Variants in EDEM2 observed in about 807,000 individuals in gnomAD.
The protein encoded by EDEM2 is ER degradation-enhancing alpha-mannosidase-like protein 2.
In EDEM2, 39 loss-of-function variants were observed where a neutral mutation model predicts 64.8. The observed-to-expected ratio is 0.60, with a 90% CI of 0.47 to 0.79. The LOEUF (loss-of-function observed/expected upper bound fraction) is 0.79. EDEM2 is among the 30% of genes least tolerant of loss of function. The probability of loss-of-function intolerance (pLI) is 0.00; values close to 1 mark genes in which losing one functional copy is unlikely to be tolerated. For missense variants in EDEM2, 609 were observed against 731.3 expected, an observed-to-expected ratio of 0.83 and a Z score of 1.93; for synonymous variants, 296 against 291.5, an observed-to-expected ratio of 1.02 and a Z score of -0.16.
intron 9 of EDEM2, among the ~76,000 whole-genome samples, chr20:35,118,985 G>A (rs564087672): frequency 7.9e-5 from 12 of 152,294 alleles, no homozygotes; most frequent in Middle Eastern, 3.4e-3. Flanking sequence ...AGAAGGTGGC[G>A]GAGGTTGTTG....
intron 9 of EDEM2, 78 bp from the exon 10 acceptor site, chr20:35,118,797 C>T: frequency 6.3e-7 from 1 of 1,575,654 alleles, no homozygotes; most frequent in Non-Finnish European, 8.6e-7. Flanking sequence ...CCGTGAGGGA[C>T]TACTCCCCTC....
chr20:35,129,448 G>A (rs1272902951), intron 7 of EDEM2, among the ~76,000 whole-genome samples: 5 of 151,510 alleles, frequency 3.3e-5, no homozygotes, highest in African/African-American at 7.3e-5. Flanking sequence ...GTGGGCGCCT[G>A]TAATCCCAGC....
chr20:35,124,454 G>A (rs2085406342), intron 8 of EDEM2, among the ~76,000 whole-genome samples: 1 of 152,304 alleles, frequency 6.6e-6, no homozygotes, highest in South Asian at 2.1e-4. Flanking sequence ...AGGCTGGAGT[G>A]CAGTGGCACA....
chr20:35,146,728 G>C, intron 2 of EDEM2, 97 bp downstream of exon 2: 2 of 1,327,364 alleles, frequency 1.5e-6, no homozygotes, highest in South Asian at 2.6e-5. Context: ...TTCTGGTGCC[G>C]GTGAGGAGAC....
intron 5 of EDEM2, among the ~76,000 whole-genome samples, chr20:35,135,712 A>C (rs2085567087): frequency 1.3e-5 from 2 of 152,214 alleles, no homozygotes. Flanking sequence ...TCTGCTTTAA[A>C]TAAAGAGTAT....
At chr20:35,138,580 CTTTT>C (rs1199947248) in intron 4 of EDEM2, among the ~76,000 whole-genome samples, 2 of 140,772 alleles carry the variant, frequency 1.4e-5, no homozygotes, top group Non-Finnish European at 1.6e-5. Flanking sequence ...ATATGTAGAA[CTTTT>C]TTTTTTTTTT....
At chr20:35,117,429 C>A (rs919248685) in intron 10 of EDEM2, among the ~76,000 whole-genome samples, 1 of 152,146 alleles carries the variant, frequency 6.6e-6, no homozygotes, top group Non-Finnish European at 1.5e-5. Context: ...GACCCCTGTT[C>A]CCATCATTCA....
At chr20:35,144,260 G>C (rs970407011) in intron 3 of EDEM2, among the ~76,000 whole-genome samples, 4 of 152,104 alleles carry the variant, frequency 2.6e-5, no homozygotes, top group African/African-American at 9.7e-5. Context: ...CTAACCTCAA[G>C]AAGTTGTTAG....
intron 8 of EDEM2, 101 bp from the exon 9 acceptor site, chr20:35,124,135 CTTG>C (rs2085402589): frequency 7.0e-7 from 1 of 1,436,938 alleles, no homozygotes. Flanking sequence ...CCAAAAAGGC[CTTG>C]AATCAATCCC....
chr20:35,142,852 G>A (rs1391976607), intron 3 of EDEM2, among the ~76,000 whole-genome samples: 2 of 151,862 alleles, frequency 1.3e-5, no homozygotes, highest in Admixed American at 6.6e-5. Context: ...TTCAAACTCC[G>A]CCTCCTGGGT....
At chr20:35,125,447 C>G (rs929452629) in intron 8 of EDEM2, among the ~76,000 whole-genome samples, 11 of 151,896 alleles carry the variant, frequency 7.2e-5, no homozygotes, top group Non-Finnish European at 1.5e-4. Context: ...TGCAGTGGCG[C>G]AATCTCAGCT....
At position 35,126,415 on chromosome 20, in the gene EDEM2, T is replaced by C. The variant is rs775485406; in HGVS notation, c.845-40A>G. On this transcript the variant is annotated intron_variant, in intron 7 of 10. Transcript: ENST00000374492. ...ATGGGATAATGGACATATGAGTGAT[T>C]AGGGAGAAAAAAGGCAGGCCTGGAC... 1.9e-5 allele frequency: 31 copies of C among 1,608,600 alleles called. No homozygotes were observed. Among genetic ancestry groups the C allele is most frequent in the Non-Finnish European group, 2.6e-5 (31 of 1,177,892 alleles).
At chr20:35,128,314 T>C (rs1437259130) in intron 7 of EDEM2, among the ~76,000 whole-genome samples, 1 of 140,798 alleles carries the variant, frequency 7.1e-6, no homozygotes, top group Admixed American at 7.0e-5. Flanking sequence ...ATCCGGGAGG[T>C]GGAGTTTGTA....
chr20:35,119,007 A>G (rs1018034138), intron 9 of EDEM2, among the ~76,000 whole-genome samples: 1 of 152,148 alleles, frequency 6.6e-6, no homozygotes, highest in South Asian at 2.1e-4. Flanking sequence ...CTAATTCCCA[A>G]TATCTGTTCC....
Position 35,147,226 on chromosome 20 carries a change from G to C in EDEM2, c.33C>G (p.Leu11=). Residue 11 remains leucine (L), a synonymous_variant, in exon 1 of 11, where the codon CTC becomes CTG. Coordinates refer to ENST00000374492, the MANE Select transcript of EDEM2 (RefSeq NM_018217.3). MPFRLLIPLG[L]LCALLPQHHG... ...GGTGCTGAGGCAGCAGCGCGCACAG[G>C]AGGCCGAGCGGGATGAGCAGCCGGA... 1 of 1,598,446 alleles carries C rather than the reference G, an allele frequency of 6.3e-7. No individual in the cohort carries two copies. The highest frequency in any genetic ancestry group is 8.5e-7 in the Non-Finnish European group (1 of 1,170,958).
chr20:35,132,315 C>CT (rs111961414), intron 6 of EDEM2, among the ~76,000 whole-genome samples: 47 of 145,622 alleles, frequency 3.2e-4, no homozygotes, highest in South Asian at 6.5e-4. Flanking sequence ...TATCCTTTGA[C>CT]TTTTTTTTTT....
chr20:35,136,557 G>T (rs536477478), intron 5 of EDEM2, among the ~76,000 whole-genome samples: 51 of 152,158 alleles, frequency 3.4e-4, no homozygotes, highest in Non-Finnish European at 5.6e-4. Context: ...GGGAGTTCAA[G>T]ACCAGCCTGG....
intron 4 of EDEM2, among the ~76,000 whole-genome samples, chr20:35,138,411 C>T (rs1298355645): frequency 6.6e-6 from 1 of 152,026 alleles, no homozygotes; most frequent in Non-Finnish European, 1.5e-5. Context: ...GGTCACCCAT[C>T]TAGTAGGTGG....
At position 35,115,822 on chromosome 20, in the gene EDEM2, T is replaced by G. The variant is rs2085302492; in HGVS notation, c.1348A>C (p.Asn450His). Residue 450 changes from asparagine (N) to histidine (H), a missense_variant, in exon 11 of 11, where the codon AAT becomes CAT. Coordinates refer to ENST00000374492, the MANE Select transcript of EDEM2 (RefSeq NM_018217.3). ...LFDPTNFIHN[N>H]GSTFDAVITP... is the part of the protein sequence containing the mutation. ...ATCACCGCGTCGAAGGTGGACCCAT[T>G]GTTGTGGATGAAGTTGGTTGGGTCA... 6 of 1,614,134 alleles carry G rather than the reference T, an allele frequency of 3.7e-6. No homozygotes were observed. Among genetic ancestry groups the G allele is most frequent in the Non-Finnish European group, 5.1e-6 (6 of 1,180,012 alleles).
Sources: allele counts gnomAD v4.1 joint callset (sites outside exome capture counted in the v4.1 genomes callset), GRCh38; gene constraint gnomAD v4.1.1; transcripts MANE v1.5; gene names NCBI Gene and HGNC (gene_info 2026-07-23, HGNC 2026-07-21).